UTP15: variants seen among roughly 807,000 people sequenced by gnomAD.
The protein encoded by UTP15 is UTP15 small subunit processome component.
A neutral mutation model predicts 59.1 loss-of-function variants in UTP15; 5 were observed. The observed-to-expected ratio is 0.08, with a 90% CI of 0.04 to 0.18. UTP15 has a LOEUF of 0.18. Among genes scored for constraint, UTP15 ranks in the 10% least tolerant of loss-of-function variants. The pLI is 1.00. For missense variants in UTP15, 494 were observed against 616.7 expected (o/e 0.80, Z 2.11); for synonymous variants, 211 against 212.2 (o/e 0.99, Z 0.05).
intron 7 of UTP15, among the ~76,000 whole-genome samples, chr5:73,574,778 G>A (rs1748040500): frequency 6.6e-6 from 1 of 152,130 alleles, no homozygotes; most frequent in Admixed American, 6.5e-5. Context: ...GAGCCACCGT[G>A]CCCGGCTTAC....
At chr5:73,572,436 A>G (rs1301816917) in intron 6 of UTP15, 53 bp from the exon 7 acceptor site, 6 of 1,599,704 alleles carry the variant, frequency 3.8e-6, no homozygotes, top group Middle Eastern at 3.4e-4. Context: ...CAGATCTTTA[A>G]TATGTTGAAT....
At chr5:73,575,458 C>T (rs894659475) in intron 7 of UTP15, among the ~76,000 whole-genome samples, 8 of 152,100 alleles carry the variant, frequency 5.3e-5, no homozygotes, top group Admixed American at 5.2e-4. Flanking sequence ...ATGCACAGAA[C>T]AACCCCCACA....
intron 7 of UTP15, among the ~76,000 whole-genome samples, chr5:73,576,254 G>T (rs960097612): frequency 6.6e-6 from 1 of 151,416 alleles, no homozygotes. Context: ...ACAGGTGTGT[G>T]TCACCACACC....
chr5:73,566,443 G>A (rs1747767817), intron 1 of UTP15, among the ~76,000 whole-genome samples: 1 of 152,210 alleles, frequency 6.6e-6, no homozygotes, highest in African/African-American at 2.4e-5. Flanking sequence ...TTAATGAACA[G>A]AAGAGTGTTC....
chr5:73,576,130 A>G (rs2112053465), intron 7 of UTP15, among the ~76,000 whole-genome samples: 1 of 147,316 alleles, frequency 6.8e-6, no homozygotes, highest in South Asian at 2.1e-4. Context: ...TTTGAAACAG[A>G]GTCTTACTCT....
At chr5:73,576,929 AC>A in intron 7 of UTP15, 22 bp from the exon 8 acceptor site, 3 of 1,537,360 alleles carry the variant, frequency 2.0e-6, no homozygotes. Flanking sequence ...GTGATTTTTG[AC>A]AAAGCTTTTC....
chr5:73,569,466 CT>C, intron 4 of UTP15, 30 bp from the exon 5 acceptor site: 1 of 1,427,864 alleles, frequency 7.0e-7, no homozygotes, highest in Non-Finnish European at 9.2e-7. Context: ...AATTTTCTTG[CT>C]TTTTAATATA....
chr5:73,573,812 G>A (rs1331937323), intron 7 of UTP15, among the ~76,000 whole-genome samples: 4 of 151,674 alleles, frequency 2.6e-5, no homozygotes, highest in African/African-American at 9.7e-5. Context: ...GACTTCAGGT[G>A]ATCCACTCAC....
chr5:73,570,478 T>C (rs370767764), intron 5 of UTP15, 108 bp from the exon 6 acceptor site: 2 of 1,157,300 alleles, frequency 1.7e-6, no homozygotes, highest in East Asian at 2.6e-5. Context: ...TATATGTCTT[T>C]TTAAAACTCC....
chr5:73,573,748 A>G (rs1748009677), intron 7 of UTP15, among the ~76,000 whole-genome samples: 1 of 150,754 alleles, frequency 6.6e-6, no homozygotes, highest in Non-Finnish European at 1.5e-5. Flanking sequence ...TAATTTTTGT[A>G]TTTTTAGTAG....
At position 73,579,049 on chromosome 5, in the gene UTP15, G is replaced by T. The variant is rs779638552; in HGVS notation, c.1179G>T (p.Thr393=). The change falls in exon 11 of 13, where the codon ACG becomes ACT. Residue 393 remains threonine (T), a synonymous_variant. Coordinates refer to ENST00000296792, the MANE Select transcript of UTP15 (RefSeq NM_032175.4). ...GTACAATAAAGACACCCGAGATTAC[G>T]GTGTCCATCATAAAGGAGTTAAATC... The part of the protein sequence containing the change: ...PTCTIKTPEI[T]VSIIKELNRR... 1 of 1,613,754 alleles carries T rather than the reference G, an allele frequency of 6.2e-7. No homozygotes were observed.
Position 73,569,502 on chromosome 5 carries a change from T to C in UTP15, c.374T>C (p.Val125Ala), listed in dbSNP as rs768809816. The change falls in exon 5 of 13, where the codon GTT becomes GCT. Residue 125 changes from valine (V) to alanine (A), a missense_variant. Val to Ala is a moderately conservative substitution (Grantham distance 64). Transcript: ENST00000296792. ...LRQFEGHTKA[V>A]HTVDFTADKY... ...ACTGACCTTCAATCTTTCAGAGCAG[T>C]TCATACAGTAGATTTTACAGCTGAC... The C allele has an allele frequency of 6.2e-7, 1 of 1,604,404 alleles. No homozygotes were observed. The highest frequency in any genetic ancestry group is 1.1e-5 in the South Asian group (1 of 89,582).
In UTP15 at chr5:73,582,313, T is replaced by G. The variant is rs1263466582; in HGVS notation, c.*2219T>G. ...CTCAAAATATGTAACAGTTAACACA[T>G]TTTTCAAACAGGTTAGGAAGCAATT... is the stretch of plus-strand genomic sequence containing the variant. On this transcript the variant is annotated 3_prime_UTR_variant, in exon 13 of 13. Coordinates refer to ENST00000296792, the MANE Select transcript of UTP15 (RefSeq NM_032175.4). The G allele has an allele frequency of 6.6e-6, 1 of 152,206 alleles. No homozygotes were observed. The highest frequency in any genetic ancestry group is 6.5e-5 in the Admixed American group (1 of 15,276). 9.4% of individuals were successfully genotyped at this position (152,206 alleles called of 1,614,324 possible).
At chr5:73,567,475 A>C (rs772649106) in intron 2 of UTP15, 41 bp downstream of exon 2, 1 of 1,454,662 alleles carries the variant, frequency 6.9e-7, no homozygotes, top group Non-Finnish European at 9.4e-7. Context: ...ATTTGTGTTT[A>C]TGCCAATTTC....
Position 73,565,796 on chromosome 5 carries a change from G to T in UTP15, c.-200G>T. 2.2e-6 allele frequency: 1 copy of T among 456,264 alleles called. No homozygotes were observed. The highest frequency in any genetic ancestry group is 4.4e-6 in the Non-Finnish European group (1 of 226,962). 28.3% of individuals were successfully genotyped at this position (456,264 alleles called of 1,614,324 possible). On this transcript the variant is annotated 5_prime_UTR_variant, in exon 1 of 13. Transcript: ENST00000296792. ...CTGTGTGTGTCGCCGGCTCCTTGAGGGTCCATGTGATTTTTACGCCAGTGC... is the reference window on the plus strand; with the variant it reads ...CTGTGTGTGTCGCCGGCTCCTTGAGTGTCCATGTGATTTTTACGCCAGTGC...
chr5:73,578,745 T>C lies in UTP15; in HGVS notation c.1045-6T>C. The C allele has an allele frequency of 6.2e-7, 1 of 1,612,698 alleles. No individual in the cohort carries two copies. Among genetic ancestry groups the C allele is most frequent in the Non-Finnish European group, 8.5e-7 (1 of 1,178,794 alleles). Reference sequence around the variant, plus strand: ...TCCTTCTCTATAAATGTACTTTTCATTGCAGGATGACATTTTGATTAACAG... The same window carrying C: ...TCCTTCTCTATAAATGTACTTTTCACTGCAGGATGACATTTTGATTAACAG... On this transcript the variant is annotated splice_region_variant and splice_polypyrimidine_tract_variant and intron_variant, in intron 9 of 12. Transcript: ENST00000296792.
intron 7 of UTP15, among the ~76,000 whole-genome samples, chr5:73,574,548 C>T (rs2112050326): frequency 6.6e-6 from 1 of 151,356 alleles, no homozygotes; most frequent in African/African-American, 2.4e-5. Context: ...AGGGCAGTGG[C>T]ATGATCTTGG....
At chr5:73,573,328 A>G (rs1029860944) in intron 7 of UTP15, among the ~76,000 whole-genome samples, 2 of 150,940 alleles carry the variant, frequency 1.3e-5, no homozygotes, top group Non-Finnish European at 3.0e-5. Context: ...GCTTACTGCA[A>G]CCTCTGTCTC....
rs902142642 is a variant in UTP15, at chr5:73,581,084, C to G, written c.*990C>G. ...TTTTTTTTTTTTAAAGACAGGGTCT[C>G]GCTTTATCGCCCAGGCTGGAGTACA... On this transcript the variant is annotated 3_prime_UTR_variant, in exon 13 of 13. Transcript: ENST00000296792. 1 of 149,466 alleles carries G rather than the reference C, an allele frequency of 6.7e-6. No individual in the cohort carries two copies. Among genetic ancestry groups the G allele is most frequent in the East Asian group, 2.0e-4 (1 of 5,108 alleles). The allele number at this position is 149,466 out of a possible 1,614,324, so 9.3% of individuals were successfully genotyped here. A position where few individuals can be genotyped will look rare whatever the true frequency, so the allele number is the denominator to read the frequency against.
Sources: gnomAD v4.1 joint callset for allele counts (sites outside exome capture counted in the v4.1 genomes callset) on GRCh38, gnomAD v4.1.1 for gene constraint, MANE v1.5 for transcripts, NCBI Gene and HGNC (gene_info 2026-07-23, HGNC 2026-07-21) for gene names.